Variants in ERC2 observed in about 807,000 individuals in gnomAD.
ERC2 encodes the protein ERC protein 2.
ERC2 carries 42 observed loss-of-function variants against 114.8 expected under a neutral mutation model. The ratio of observed to expected loss-of-function variants is 0.37; its 90% confidence interval spans 0.29 to 0.47. The LOEUF is 0.47. Ranked by LOEUF, ERC2 falls within the 20% of genes least tolerant of loss-of-function variation. ERC2 has a pLI of 0.99. For missense variants in ERC2, 939 were observed against 1,150.7 expected (o/e 0.82, Z 2.66); for synonymous variants, 454 against 425.5 (o/e 1.07, Z -0.82).
chr3:55,860,528 G>A (rs1009515111), intron 14 of ERC2, among the ~76,000 whole-genome samples: 3 of 152,002 alleles, frequency 2.0e-5, no homozygotes, highest in African/African-American at 7.3e-5. Flanking sequence ...CATAATTAGG[G>A]CCCTCTAAAC....
At chr3:56,374,231 G>A (rs1001592802) in intron 2 of ERC2, among the ~76,000 whole-genome samples, 1 of 152,110 alleles carries the variant, frequency 6.6e-6, no homozygotes, top group African/African-American at 2.4e-5. Flanking sequence ...TGAATAGCTG[G>A]GACTACAGGC....
intron 3 of ERC2, among the ~76,000 whole-genome samples, chr3:56,201,357 A>G (rs2048394232): frequency 6.6e-6 from 1 of 152,238 alleles, no homozygotes; most frequent in Non-Finnish European, 1.5e-5. Context: ...TTTTACTTAT[A>G]AAACATATGA....
chr3:56,138,865 G>T (rs1057169596), intron 6 of ERC2, among the ~76,000 whole-genome samples: 8 of 152,216 alleles, frequency 5.3e-5, no homozygotes, highest in African/African-American at 1.9e-4. Flanking sequence ...AAATAGGATA[G>T]TAACATATTT....
intron 14 of ERC2, among the ~76,000 whole-genome samples, chr3:55,796,482 G>A (rs1281981058): frequency 1.3e-5 from 2 of 152,284 alleles, no homozygotes; most frequent in East Asian, 1.9e-4. Context: ...CTGGAGTGCA[G>A]CAGTGTGATC....
chr3:55,569,079 G>A (rs993708810), intron 17 of ERC2, among the ~76,000 whole-genome samples: 3 of 152,088 alleles, frequency 2.0e-5, no homozygotes, highest in Non-Finnish European at 4.4e-5. Flanking sequence ...GCCTATACAA[G>A]GAACTTCCAG....
At chr3:56,149,366 G>C (rs2149950728) in intron 4 of ERC2, among the ~76,000 whole-genome samples, 1 of 152,032 alleles carries the variant, frequency 6.6e-6, no homozygotes, top group East Asian at 1.9e-4. Context: ...GAATTATCTA[G>C]ATATGTTTAT....
intron 17 of ERC2, among the ~76,000 whole-genome samples, chr3:55,596,265 C>T (rs1191597073): frequency 2.6e-5 from 4 of 152,140 alleles, no homozygotes; most frequent in Non-Finnish European, 5.9e-5. Flanking sequence ...ACAATAAATA[C>T]AAATAGCTTA....
chr3:56,463,127 C>A (rs1034004467), intron 1 of ERC2, among the ~76,000 whole-genome samples: 1 of 152,110 alleles, frequency 6.6e-6, no homozygotes, highest in Admixed American at 6.5e-5. Flanking sequence ...ACTGGGAAGA[C>A]TGAGGTGGGA....
At chr3:55,977,096 T>C (rs1388418681) in intron 12 of ERC2, among the ~76,000 whole-genome samples, 3 of 152,246 alleles carry the variant, frequency 2.0e-5, no homozygotes, top group Non-Finnish European at 2.9e-5. Flanking sequence ...TCTCCAGAAC[T>C]GTGAGAAATA....
At chr3:56,441,764 C>T (rs2062320261) in intron 1 of ERC2, among the ~76,000 whole-genome samples, 2 of 152,170 alleles carry the variant, frequency 1.3e-5, no homozygotes, top group African/African-American at 4.8e-5. Flanking sequence ...CTAGGCTGGT[C>T]TCAAACTCCT....
intron 15 of ERC2, among the ~76,000 whole-genome samples, chr3:55,731,653 C>A (rs2065258266): frequency 6.6e-6 from 1 of 152,176 alleles, no homozygotes; most frequent in Admixed American, 6.5e-5. Flanking sequence ...TCTCCTTAAG[C>A]ATTATGGTAT....
At chr3:56,220,107 T>A (rs560903542) in intron 3 of ERC2, among the ~76,000 whole-genome samples, 6 of 152,184 alleles carry the variant, frequency 3.9e-5, no homozygotes, top group Non-Finnish European at 7.3e-5. Context: ...CCAGTCACAG[T>A]GTCAGTAATT....
intron 2 of ERC2, among the ~76,000 whole-genome samples, chr3:56,419,898 T>G (rs1363652868): frequency 6.6e-6 from 1 of 152,202 alleles, no homozygotes; most frequent in Non-Finnish European, 1.5e-5. Context: ...GAAGAGAAAT[T>G]TAAAATTTTT....
chr3:56,321,512 G>A (rs1223724127), intron 2 of ERC2, among the ~76,000 whole-genome samples: 1 of 152,184 alleles, frequency 6.6e-6, no homozygotes, highest in Non-Finnish European at 1.5e-5. Flanking sequence ...AAGTAGTTCA[G>A]GAGCTCCTCC....
chr3:56,050,017 A>G (rs1208296339), intron 7 of ERC2, among the ~76,000 whole-genome samples: 1 of 152,140 alleles, frequency 6.6e-6, no homozygotes, highest in Non-Finnish European at 1.5e-5. Context: ...AGGCAAAACT[A>G]TTGGGACGAA....
intron 17 of ERC2, among the ~76,000 whole-genome samples, chr3:55,608,546 C>T (rs537394053): frequency 1.3e-5 from 2 of 152,234 alleles, no homozygotes; most frequent in South Asian, 2.1e-4. Context: ...CGATCAGCCC[C>T]GGCACTACCT....
At chr3:55,590,400 G>A (rs1407960077) in intron 17 of ERC2, among the ~76,000 whole-genome samples, 1 of 152,174 alleles carries the variant, frequency 6.6e-6, no homozygotes, top group Non-Finnish European at 1.5e-5. Context: ...GTCCTTCTGG[G>A]AATTGATTCT....
rs2068012456 is a variant in ERC2 at position 55,768,966 on chromosome 3, A to G, written c.2565-34048T>C. On this transcript the variant is annotated intron_variant, in intron 14 of 17. Transcript: ENST00000288221. Reference sequence around the variant, plus strand: ...TAGATCTTAGGACGGGAGAAAAATCAGTACCACAGTGTCCTCATCTGTAAA... The same window carrying G: ...TAGATCTTAGGACGGGAGAAAAATCGGTACCACAGTGTCCTCATCTGTAAA... 2.0e-5 allele frequency among the ~76,000 whole-genome samples: 3 copies of G among 152,216 alleles called. No individual in the cohort carries two copies. In the South Asian group the frequency reaches 6.2e-4, roughly 32 times the overall value.
At chr3:56,227,342 G>C (rs1237762172) in intron 3 of ERC2, among the ~76,000 whole-genome samples, 5 of 151,698 alleles carry the variant, frequency 3.3e-5, no homozygotes, top group Non-Finnish European at 7.4e-5. Context: ...GTAAGGTATA[G>C]GAGCACACTG....
Sources: gnomAD v4.1 joint callset for allele counts (sites outside exome capture counted in the v4.1 genomes callset) on GRCh38, gnomAD v4.1.1 for gene constraint, MANE v1.5 for transcripts, NCBI Gene and HGNC (gene_info 2026-07-23, HGNC 2026-07-21) for gene names.